Variants in NCOA6 observed in about 807,000 individuals in gnomAD.
The protein encoded by NCOA6 is nuclear receptor coactivator 6.
Under a neutral mutation model 171.4 loss-of-function variants are expected in NCOA6, and 49 were observed. That is an observed-to-expected ratio of 0.29 (90% CI 0.23 to 0.36). NCOA6 has a LOEUF of 0.36. Among genes scored for constraint, NCOA6 ranks in the 10% least tolerant of loss-of-function variants. The probability of loss-of-function intolerance (pLI) is 1.00; values close to 1 mark genes in which losing one functional copy is unlikely to be tolerated. For missense variants in NCOA6, 2,248 were observed against 2,554.5 expected (o/e 0.88, Z 2.59); for synonymous variants, 910 against 927.5 (o/e 0.98, Z 0.34).
Position 34,788,343 on chromosome 20 carries a change from C to T in NCOA6, c.-50+4107G>A, listed in dbSNP as rs73610873. 7.9e-4 allele frequency among the ~76,000 whole-genome samples: 120 copies of T among 152,220 alleles called. 1 individual carries two copies. In the East Asian group the frequency reaches 0.021, roughly 26 times the overall value. ...CCTCCCAAAGTGTTGGGATTACAGGCGTGAGCCATCGTGCCTGGCCTATAC... is the reference window on the plus strand; with the variant it reads ...CCTCCCAAAGTGTTGGGATTACAGGTGTGAGCCATCGTGCCTGGCCTATAC... On this transcript the variant is annotated intron_variant, in intron 2 of 14. Transcript: ENST00000359003.
At chr20:34,776,732 A>G in intron 3 of NCOA6, 1 of 535,688 alleles carries the variant, frequency 1.9e-6, no homozygotes, top group East Asian at 4.7e-5. Flanking sequence ...AAATTAGATA[A>G]TATATGCAAA....
chr20:34,758,933 C>T lies in NCOA6; in HGVS notation c.515G>A (p.Gly172Glu), dbSNP rs564174826. The change falls in exon 6 of 15, where the codon GGA becomes GAA. Residue 172 changes from glycine (G) to glutamate (E), a missense_variant and splice_region_variant. Gly to Glu is a moderately conservative substitution (Grantham distance 98). Coordinates refer to ENST00000359003, the MANE Select transcript of NCOA6 (RefSeq NM_014071.5). Reference protein sequence around the residue: ...EAGFPMASGPGIIRMNNPATV... With the variant: ...EAGFPMASGPEIIRMNNPATV... ...GGCAGGGTTGTTCATCCTTATTATT[C>T]CTAGAAAAAAGATCCCTAAAATAGA... 6.2e-7 allele frequency: 1 copy of T among 1,612,618 alleles called. No individual in the cohort carries two copies. Among genetic ancestry groups the T allele is most frequent in the Non-Finnish European group, 8.5e-7 (1 of 1,179,584 alleles).
intron 14 of NCOA6, among the ~76,000 whole-genome samples, chr20:34,717,705 AGTCTCACACAG>A (rs1988778565): frequency 6.6e-6 from 1 of 152,246 alleles, no homozygotes; most frequent in African/African-American, 2.4e-5. Context: ...TAAATTAAAG[AGTCTCACACAG>A]CCCACATAAC....
In NCOA6 at chr20:34,757,351, C is replaced by T; in HGVS notation, c.1397G>A (p.Gly466Glu). ...CGGAGAGCTGACAGGCTGCTGAAAT[C>T]CCTGGGGAAGTGGGTTATTTTGAGG... ...RPPQNNPLPQ[G>E]FQQPVSSPGR... is the part of the protein sequence containing the mutation. Residue 466 changes from glycine (G) to glutamate (E), a missense_variant, in exon 7 of 15, where the codon GGA (glycine) becomes GAA (glutamate). Gly to Glu is a moderately conservative substitution (Grantham distance 98). This residue lies in a region of NCOA6 where 987 missense variants were observed against 1,104.7 expected (regional missense o/e 0.89). Transcript: ENST00000359003. The T allele has an allele frequency of 6.2e-7, 1 of 1,614,132 alleles. No individual in the cohort carries two copies. The highest frequency in any genetic ancestry group is 8.5e-7 in the Non-Finnish European group (1 of 1,180,020).
chr20:34,731,729 C>A (rs1289921512), intron 13 of NCOA6, among the ~76,000 whole-genome samples: 1 of 152,162 alleles, frequency 6.6e-6, no homozygotes, highest in Non-Finnish European at 1.5e-5. Context: ...CCAGTGCATT[C>A]CTACACTAAA....
intron 14 of NCOA6, among the ~76,000 whole-genome samples, chr20:34,720,802 T>A (rs74850142): frequency 0.014 from 2,066 of 152,324 alleles, 43 homozygotes; most frequent in African/African-American, 0.047. Context: ...AGCTTGATAT[T>A]TGGTGATCAC....
intron 3 of NCOA6, among the ~76,000 whole-genome samples, chr20:34,781,190 G>A (rs917877397): frequency 2.0e-5 from 3 of 152,036 alleles, no homozygotes; most frequent in Non-Finnish European, 4.4e-5. Flanking sequence ...AAAAGCAGTT[G>A]AAAAAACAAC....
chr20:34,726,073 G>T (rs761302143), intron 14 of NCOA6, among the ~76,000 whole-genome samples: 5 of 152,196 alleles, frequency 3.3e-5, no homozygotes, highest in Non-Finnish European at 5.9e-5. Context: ...AGGAGCAGCT[G>T]GAGAGGTGGT....
intron 1 of NCOA6, among the ~76,000 whole-genome samples, chr20:34,800,432 G>A (rs539165610): frequency 1.6e-4 from 25 of 152,144 alleles, no homozygotes; most frequent in Non-Finnish European, 3.5e-4. Context: ...ACAGAAAGTG[G>A]CTGAATGAAC....
intron 1 of NCOA6, among the ~76,000 whole-genome samples, chr20:34,792,959 T>C (rs1197059230): frequency 6.6e-6 from 1 of 151,906 alleles, no homozygotes; most frequent in Non-Finnish European, 1.5e-5. Context: ...TTTGTATTTT[T>C]TTTGGTAGAG....
chr20:34,728,133 A>G (rs1457007514), intron 13 of NCOA6, among the ~76,000 whole-genome samples: 1 of 152,164 alleles, frequency 6.6e-6, no homozygotes, highest in Non-Finnish European at 1.5e-5. Context: ...GAAAATTGCT[A>G]TTAACTCAAA....
At chr20:34,718,753 G>A (rs539317271) in intron 14 of NCOA6, among the ~76,000 whole-genome samples, 29 of 152,120 alleles carry the variant, frequency 1.9e-4, no homozygotes, top group African/African-American at 5.8e-4. Context: ...TGATCTGCCC[G>A]CCTCAGCCTC....
intron 2 of NCOA6, among the ~76,000 whole-genome samples, chr20:34,791,559 T>A (rs567586674): frequency 6.6e-6 from 1 of 152,178 alleles, no homozygotes; most frequent in Non-Finnish European, 1.5e-5. Context: ...CTTCTGCTCC[T>A]GGCACAAAGC....
rs753214405 is a variant in NCOA6 at position 34,782,335 on chromosome 20, T to C, written c.21A>G (p.Pro7=). 1 of 1,602,664 alleles carries C rather than the reference T, an allele frequency of 6.2e-7. No individual in the cohort carries two copies. The highest frequency in any genetic ancestry group is 1.7e-5 in the Admixed American group (1 of 58,270). Reference sequence around the variant, plus strand: ...AGGAAGTATAGATGTCTTCTAAGTTTGGAAGGTCATCCAAAACCATGGTGA... The same window carrying C: ...AGGAAGTATAGATGTCTTCTAAGTTCGGAAGGTCATCCAAAACCATGGTGA... The part of the protein sequence containing the change: MVLDDL[P]NLEDIYTSLC... The change falls in exon 3 of 15, where the codon CCA becomes CCG. Residue 7 remains proline (P), a synonymous_variant. Coordinates refer to ENST00000359003, the MANE Select transcript of NCOA6 (RefSeq NM_014071.5).
At chr20:34,758,751 T>C (rs1171061056) in intron 6 of NCOA6, 54 bp downstream of exon 6, 18 of 1,536,374 alleles carry the variant, frequency 1.2e-5, no homozygotes, top group Non-Finnish European at 5.3e-6. Flanking sequence ...AATTTTATAA[T>C]GATCTGTGCA....
Position 34,743,114 on chromosome 20 carries a change from G to A in NCOA6, c.3142C>T (p.Leu1048Phe). The A allele has an allele frequency of 1.2e-6, 2 of 1,613,560 alleles. No individual in the cohort carries two copies. Among genetic ancestry groups the A allele is most frequent in the Non-Finnish European group, 1.7e-6 (2 of 1,179,548 alleles). The change falls in exon 11 of 15, where the codon CTT (leucine) becomes TTT (phenylalanine). Residue 1048 changes from leucine to phenylalanine, a missense_variant. Leu to Phe is a conservative substitution (Grantham distance 22). This residue lies in a region of NCOA6 where 352 missense variants were observed against 419.1 expected (regional missense o/e 0.84). Transcript: ENST00000359003. The part of the protein sequence containing the change: ...MMQQDPKSVR[L>F]PVSQNVHPPR... ...GGATGGACATTTTGAGAGACTGGAA[G>A]CCTAACTGATTTGGGATCCTGCTGC...
At chr20:34,779,964 G>C (rs2077466075) in intron 3 of NCOA6, among the ~76,000 whole-genome samples, 1 of 152,232 alleles carries the variant, frequency 6.6e-6, no homozygotes, top group African/African-American at 2.4e-5. Context: ...GAAAGGCTAA[G>C]TGATTTGCTC....
At chr20:34,807,613 C>T (rs1448880022) in intron 1 of NCOA6, among the ~76,000 whole-genome samples, 1 of 152,090 alleles carries the variant, frequency 6.6e-6, no homozygotes, top group Admixed American at 6.5e-5. Flanking sequence ...GCAAGCTCCG[C>T]CTCCTGGGTT....
At position 34,750,199 on chromosome 20, in the gene NCOA6, G is replaced by C. The variant is rs760750318; in HGVS notation, c.1996C>G (p.Pro666Ala). 1 of 1,611,274 alleles carries C rather than the reference G, an allele frequency of 6.2e-7. No individual in the cohort carries two copies. The highest frequency in any genetic ancestry group is 8.5e-7 in the Non-Finnish European group (1 of 1,178,428). ...GGCGAGGGCCCAAGATTTTGGCTCG[G>C]GGGGTTCACCATCATCTGGCCCTGT... The part of the protein sequence containing the change: ...MPQGQMMVNP[P>A]SQNLGPSPQR... The change falls in exon 9 of 15, where the codon CCG (proline) becomes GCG (alanine). Residue 666 changes from proline to alanine, a missense_variant. Coordinates refer to ENST00000359003, the MANE Select transcript of NCOA6 (RefSeq NM_014071.5).
Sources: allele counts gnomAD v4.1 joint callset (sites outside exome capture counted in the v4.1 genomes callset), GRCh38; gene constraint gnomAD v4.1.1; regional missense constraint gnomAD v4.1.1; transcripts MANE v1.5; gene names NCBI Gene and HGNC (gene_info 2026-07-23, HGNC 2026-07-21).